FAH: variants seen among roughly 807,000 people sequenced by gnomAD.
FAH encodes the protein fumarylacetoacetate hydrolase.
In FAH, 47 loss-of-function variants were observed where a neutral mutation model predicts 55.8. That is an observed-to-expected ratio of 0.84 (90% CI 0.67 to 1.07). The LOEUF is 1.07. Ranked by LOEUF, FAH falls within the 50% of genes least tolerant of loss-of-function variation. The pLI is 0.00. For missense variants in FAH, 495 were observed against 545.9 expected, an observed-to-expected ratio of 0.91 and a Z score of 0.93; for synonymous variants, 199 against 207.7, an observed-to-expected ratio of 0.96 and a Z score of 0.36.
At chr15:80,159,005 A>T (rs1293801606) in intron 2 of FAH, among the ~76,000 whole-genome samples, 1 of 152,024 alleles carries the variant, frequency 6.6e-6, no homozygotes, top group African/African-American at 2.4e-5. Flanking sequence ...TGGGAGGCCG[A>T]TGTGGGCAGA....
At chr15:80,182,909 A>G (rs912233351) in intron 13 of FAH, among the ~76,000 whole-genome samples, 1 of 152,256 alleles carries the variant, frequency 6.6e-6, no homozygotes, top group Non-Finnish European at 1.5e-5. Context: ...GTGGCAGAAG[A>G]GAAAATGATG....
At chr15:80,180,809 C>G (rs968995487) in intron 12 of FAH, among the ~76,000 whole-genome samples, 1 of 152,156 alleles carries the variant, frequency 6.6e-6, no homozygotes, top group African/African-American at 2.4e-5. Flanking sequence ...TCACTGATTC[C>G]TAAACAAGCG....
intron 13 of FAH, among the ~76,000 whole-genome samples, chr15:80,185,299 G>T (rs1241118918): frequency 1.3e-5 from 2 of 152,142 alleles, no homozygotes; most frequent in African/African-American, 4.8e-5. Context: ...CTATGCATTT[G>T]CTCCCATCAT....
intron 4 of FAH, 136 bp from the exon 5 acceptor site, chr15:80,162,110 C>T: frequency 1.3e-6 from 1 of 758,180 alleles, no homozygotes. Flanking sequence ...TTGGTGCTGC[C>T]ATTGCTGGCT....
intron 7 of FAH, among the ~76,000 whole-genome samples, chr15:80,169,755 G>A (rs530742939): frequency 5.1e-4 from 78 of 152,184 alleles, no homozygotes; most frequent in African/African-American, 1.7e-3. Context: ...GGATGGTCTC[G>A]ATCTCCTGAC....
At chr15:80,169,517 G>GT (rs2041222483) in intron 7 of FAH, among the ~76,000 whole-genome samples, 1 of 152,036 alleles carries the variant, frequency 6.6e-6, no homozygotes, top group Non-Finnish European at 1.5e-5. Flanking sequence ...TTTTTTATTT[G>GT]TTTTTTGTTT....
At chr15:80,168,404 C>T (rs548064093) in intron 7 of FAH, 88 bp downstream of exon 7, 3 of 1,325,694 alleles carry the variant, frequency 2.3e-6, no homozygotes, top group African/African-American at 1.4e-5. Flanking sequence ...CCATGAGCCG[C>T]CCACTCCCCT....
intron 7 of FAH, among the ~76,000 whole-genome samples, chr15:80,170,237 CT>C (rs1342345776): frequency 6.6e-6 from 1 of 152,248 alleles, no homozygotes; most frequent in African/African-American, 2.4e-5. Context: ...ATGGAGGGGG[CT>C]TTCCCATAGT....
chr15:80,159,389 C>G (rs2041128089), intron 2 of FAH, among the ~76,000 whole-genome samples: 1 of 151,980 alleles, frequency 6.6e-6, no homozygotes. Flanking sequence ...CTCTTCTTAA[C>G]TGATGTGAAA....
At chr15:80,157,531 C>T (rs1236087040) in intron 1 of FAH, 1 of 188,024 alleles carries the variant, frequency 5.3e-6, no homozygotes, top group Non-Finnish European at 1.1e-5. Flanking sequence ...AGCAGTCTGG[C>T]TTCCTGCAGC....
Position 80,181,098 on chromosome 15 carries a change from A to G in FAH, c.1119A>G (p.Ile373Met). 6.2e-7 allele frequency: 1 copy of G among 1,613,986 alleles called. No individual in the cohort carries two copies. The highest frequency in any genetic ancestry group is 8.5e-7 in the Non-Finnish European group (1 of 1,179,888). Residue 373 changes from isoleucine (I) to methionine (M), a missense_variant, in exon 13 of 14, where the codon ATA (isoleucine) becomes ATG (methionine). Transcript: ENST00000561421. ...LELSWKGTKP[I>M]DLGNGQTRKF... The stretch of plus-strand genomic sequence containing the variant: ...TGTCGTGGAAGGGAACGAAGCCCAT[A>G]GACCTGGGGAATGGTCAGACCAGGA...
rs2041319285 is a variant in FAH at position 80,180,229 on chromosome 15, A to G, written c.1062+4A>G. 2 of 1,603,340 alleles carry G rather than the reference A, an allele frequency of 1.2e-6. No individual in the cohort carries two copies. Among genetic ancestry groups the G allele is most frequent in the African/African-American group, 1.3e-5 (1 of 74,866 alleles). On this transcript the variant is annotated splice_donor_region_variant and intron_variant, in intron 12 of 13. Transcript: ENST00000561421. The stretch of plus-strand genomic sequence containing the variant: ...TTCTGGGACCATCAGCGGGCCGGTG[A>G]GTATCTGGCTGCACTGAGGGCTGCC...
chr15:80,167,831 C>T, intron 5 of FAH, among the ~76,000 whole-genome samples: 1 of 152,086 alleles, frequency 6.6e-6, no homozygotes. Context: ...TGCACCCAGC[C>T]CAGAATTTTC....
chr15:80,166,624 T>C (rs2041193812), intron 5 of FAH, among the ~76,000 whole-genome samples: 1 of 150,352 alleles, frequency 6.7e-6, no homozygotes, highest in African/African-American at 2.4e-5. Flanking sequence ...AGATACAGAG[T>C]TTTGCATTTT....
chr15:80,169,369 C>T (rs1285583223), intron 7 of FAH, among the ~76,000 whole-genome samples: 1 of 151,502 alleles, frequency 6.6e-6, no homozygotes, highest in East Asian at 1.9e-4. Context: ...GGTGACAGAG[C>T]GAGACTCTGT....
chr15:80,186,772 C>G (rs2041374752), downstream of FAH: 1 of 192,912 alleles, frequency 5.2e-6, no homozygotes, highest in African/African-American at 2.3e-5. Context: ...TTGGTGAAGG[C>G]CATCAACTGA....
chr15:80,160,573 T>C, intron 4 of FAH, 114 bp downstream of exon 4: 6 of 1,001,094 alleles, frequency 6.0e-6, no homozygotes, highest in African/African-American at 1.6e-5. Context: ...TGGGGGGAGA[T>C]GGAGGAGGGG....
At chr15:80,162,368 CAA>C in intron 5 of FAH, 32 bp downstream of exon 5, 1 of 1,552,512 alleles carries the variant, frequency 6.4e-7, no homozygotes. Flanking sequence ...TGCATAAGTT[CAA>C]AGTCTTTCTT....
chr15:80,179,299 C>T (rs1170082922), intron 11 of FAH, among the ~76,000 whole-genome samples: 1 of 152,222 alleles, frequency 6.6e-6, no homozygotes, highest in African/African-American at 2.4e-5. Flanking sequence ...TGTTTCTTGG[C>T]CTTTTGAATA....
Sources: gnomAD v4.1 joint callset for allele counts (sites outside exome capture counted in the v4.1 genomes callset) on GRCh38, gnomAD v4.1.1 for gene constraint, MANE v1.5 for transcripts, NCBI Gene and HGNC (gene_info 2026-07-23, HGNC 2026-07-21) for gene names.